IFT88: variants seen among roughly 807,000 people sequenced by gnomAD.
IFT88 encodes intraflagellar transport protein 88 homolog.
IFT88 carries 74 observed loss-of-function variants against 119.5 expected under a neutral mutation model. The observed-to-expected ratio is 0.62, with a 90% CI of 0.51 to 0.75. The LOEUF is 0.75. Ranked by LOEUF, IFT88 falls within the 30% of genes least tolerant of loss-of-function variation. The pLI is 0.00. For synonymous variants in IFT88, 279 were observed against 316.7 expected, an observed-to-expected ratio of 0.88 and a Z score of 1.26; for missense variants, 961 against 977.7, an observed-to-expected ratio of 0.98 and a Z score of 0.23.
At chr13:20,685,862 A>C (rs1182066939) in intron 24 of IFT88, among the ~76,000 whole-genome samples, 4 of 152,254 alleles carry the variant, frequency 2.6e-5, no homozygotes, top group Non-Finnish European at 5.9e-5. Flanking sequence ...CCTGGGAGAC[A>C]AAACAAGACT....
At chr13:20,579,609 A>G (rs1230031448) in intron 2 of IFT88, among the ~76,000 whole-genome samples, 1 of 152,210 alleles carries the variant, frequency 6.6e-6, no homozygotes, top group Non-Finnish European at 1.5e-5. Context: ...GCCTGGAATC[A>G]GGGACCCTAA....
At chr13:20,645,176 G>A (rs1441677912) in intron 20 of IFT88, among the ~76,000 whole-genome samples, 1 of 151,958 alleles carries the variant, frequency 6.6e-6, no homozygotes, top group Non-Finnish European at 1.5e-5. Context: ...TGCAACCTCC[G>A]CCTCCCAGGT....
chr13:20,689,663 A>T (rs1042243224), intron 24 of IFT88, among the ~76,000 whole-genome samples: 1 of 152,160 alleles, frequency 6.6e-6, no homozygotes, highest in African/African-American at 2.4e-5. Context: ...ATACTCATTC[A>T]TCTTTTAAAA....
In IFT88 at chr13:20,601,468, TA is replaced by T. The variant is rs1346264887; in HGVS notation, c.813-233del. On this transcript the variant is annotated intron_variant, in intron 11 of 25. Transcript: ENST00000351808. ...TATTTTTAGGGTAATGGAAATGAATTAAAATAAGGATGTGGTTATAGTTCCA... is the reference window on the plus strand; with the variant it reads ...TATTTTTAGGGTAATGGAAATGAATTAAATAAGGATGTGGTTATAGTTCCA... Among the ~76,000 whole-genome samples, 3 of 152,176 alleles carry T rather than the reference TA, an allele frequency of 2.0e-5. No homozygotes were observed. In the East Asian group the frequency reaches 5.8e-4, roughly 29 times the overall value.
chr13:20,655,464 C>A (rs183549360), intron 21 of IFT88, among the ~76,000 whole-genome samples: 1,828 of 151,146 alleles, frequency 0.012, 36 homozygotes, highest in African/African-American at 0.043. Flanking sequence ...ACAAAAAAAA[C>A]CACACATTTA....
intron 18 of IFT88, chr13:20,642,698 C>CATT (rs2050132584): frequency 6.6e-6 from 1 of 151,984 alleles, no homozygotes; most frequent in Non-Finnish European, 1.5e-5. Flanking sequence ...CTGCCAGTGT[C>CATT]ATTATCTTTT....
intron 3 of IFT88, among the ~76,000 whole-genome samples, chr13:20,588,244 C>T (rs1350095164): frequency 6.6e-6 from 1 of 151,972 alleles, no homozygotes; most frequent in East Asian, 1.9e-4. Context: ...AGCTATTTTT[C>T]AGTTCTAGAA....
chr13:20,643,150 T>A (rs1161747785), intron 18 of IFT88, among the ~76,000 whole-genome samples: 1 of 152,136 alleles, frequency 6.6e-6, no homozygotes, highest in Non-Finnish European at 1.5e-5. Context: ...GATGCAACAT[T>A]CAGGACATTT....
chr13:20,648,620 A>G (rs924449039), intron 20 of IFT88, among the ~76,000 whole-genome samples: 56 of 152,170 alleles, frequency 3.7e-4, no homozygotes, highest in African/African-American at 1.3e-3. Context: ...TTGAGGAAGA[A>G]AAAACATATA....
Position 20,674,734 on chromosome 13 carries a change from T to TTG in IFT88, c.2242+3696_2242+3697insGT. ...TATATATATATATATATTTTTTTTT[T>TTG]TTTTTTTTTTTGAGACAGAGTCTTG... On this transcript the variant is annotated intron_variant, in intron 24 of 25. Transcript: ENST00000351808. Among the ~76,000 whole-genome samples the TTG allele has an allele frequency of 1.4e-5, 2 of 140,768 alleles. 1 individual carries two copies. Among genetic ancestry groups the TTG allele is most frequent in the African/African-American group, 5.2e-5 (2 of 38,794 alleles). 92.3% of individuals were successfully genotyped at this position (140,768 alleles called of 152,430 possible).
chr13:20,690,671 T>C, intron 24 of IFT88, 34 bp from the exon 25 acceptor site: 2 of 1,351,576 alleles, frequency 1.5e-6, no homozygotes, highest in South Asian at 2.3e-5. Flanking sequence ...TCTCAACATA[T>C]TAAACAAATG....
intron 1 of IFT88, among the ~76,000 whole-genome samples, chr13:20,570,038 CA>C (rs71077721): frequency 0.76 from 102,282 of 133,870 alleles, 38,512 homozygotes; most frequent in East Asian, 0.98. Flanking sequence ...GATTCCGTCT[CA>C]AAAAAAAAAA....
intron 13 of IFT88, among the ~76,000 whole-genome samples, chr13:20,611,200 C>T (rs1237053224): frequency 6.6e-6 from 1 of 151,618 alleles, no homozygotes; most frequent in Non-Finnish European, 1.5e-5. Flanking sequence ...TCACAAAATT[C>T]AAAATGTTTT....
chr13:20,672,496 A>C (rs2056061948), intron 24 of IFT88, among the ~76,000 whole-genome samples: 1 of 152,096 alleles, frequency 6.6e-6, no homozygotes, highest in Non-Finnish European at 1.5e-5. Context: ...CCCTAGCCCC[A>C]GATATCTCAC....
intron 24 of IFT88, among the ~76,000 whole-genome samples, chr13:20,678,011 A>C (rs543930464): frequency 5.9e-5 from 9 of 152,182 alleles, no homozygotes; most frequent in Non-Finnish European, 1.2e-4. Context: ...AAAAATGATT[A>C]TATACGTATT....
intron 3 of IFT88, among the ~76,000 whole-genome samples, chr13:20,584,567 A>G (rs532561754): frequency 2.6e-5 from 4 of 152,262 alleles, no homozygotes; most frequent in East Asian, 3.9e-4. Flanking sequence ...TTAATTTTCT[A>G]CGAGTACATG....
intron 24 of IFT88, among the ~76,000 whole-genome samples, chr13:20,682,059 A>G (rs926888685): frequency 6.6e-5 from 10 of 152,262 alleles, no homozygotes; most frequent in African/African-American, 2.4e-4. Context: ...TGGGTTTGCC[A>G]AGACTATTTA....
At chr13:20,603,883 G>A (rs116973948) in intron 12 of IFT88, among the ~76,000 whole-genome samples, 4,345 of 151,988 alleles carry the variant, frequency 0.029, 92 homozygotes, top group Non-Finnish European at 0.045. Flanking sequence ...GGGTGACAGA[G>A]TAAGACCTTG....
At chr13:20,648,575 C>G (rs1307013005) in intron 20 of IFT88, among the ~76,000 whole-genome samples, 3 of 151,330 alleles carry the variant, frequency 2.0e-5, no homozygotes, top group African/African-American at 7.3e-5. Context: ...TAAAAAAAAT[C>G]AACAAAATAC....
Sources: gnomAD v4.1 joint callset for allele counts (sites outside exome capture counted in the v4.1 genomes callset) on GRCh38, gnomAD v4.1.1 for gene constraint, MANE v1.5 for transcripts, NCBI Gene and HGNC (gene_info 2026-07-23, HGNC 2026-07-21) for gene names.